Variants in CYRIB observed in about 807,000 individuals in gnomAD.
CYRIB encodes the protein CYFIP-related Rac1 interactor B.
Under a neutral mutation model 44.2 loss-of-function variants are expected in CYRIB, and 8 were observed. The ratio of observed to expected loss-of-function variants is 0.18; its 90% CI spans 0.11 to 0.33. CYRIB has a LOEUF of 0.33. Among genes scored for constraint, CYRIB ranks in the 10% least tolerant of loss-of-function variants. The pLI is 1.00. For synonymous variants in CYRIB, 131 were observed against 127.2 expected, an observed-to-expected ratio of 1.03 and a Z score of -0.20; for missense variants, 185 against 382.8, an observed-to-expected ratio of 0.48 and a Z score of 4.31.
chr8:130,013,516 A>G (rs2097273226), intron 1 of CYRIB, among the ~76,000 whole-genome samples: 1 of 152,242 alleles, frequency 6.6e-6, no homozygotes, highest in East Asian at 1.9e-4. Flanking sequence ...CATACTTAAA[A>G]TCTGAATTTT....
At chr8:129,892,596 A>G (rs901534286) in intron 2 of CYRIB, among the ~76,000 whole-genome samples, 38 of 152,184 alleles carry the variant, frequency 2.5e-4, no homozygotes, top group African/African-American at 8.9e-4. Context: ...TTTATTTTAG[A>G]AAAGTTTCAT....
chr8:129,855,355 C>T (rs986010810), intron 6 of CYRIB, among the ~76,000 whole-genome samples: 1 of 149,588 alleles, frequency 6.7e-6, no homozygotes, highest in Non-Finnish European at 1.5e-5. Context: ...CACGCCACTG[C>T]ACTCTACCCT....
intron 1 of CYRIB, among the ~76,000 whole-genome samples, chr8:129,939,050 C>T (rs1003139214): frequency 1.3e-5 from 2 of 152,118 alleles, no homozygotes; most frequent in South Asian, 2.1e-4. Context: ...AAGATCTGGC[C>T]GCGCAGGTGG....
chr8:129,984,829 C>A (rs2096390171), intron 1 of CYRIB, among the ~76,000 whole-genome samples: 1 of 152,124 alleles, frequency 6.6e-6, no homozygotes, highest in South Asian at 2.1e-4. Flanking sequence ...GGCTGGAGTG[C>A]AATGGCGCGA....
chr8:129,845,584 C>T (rs1220621308), intron 11 of CYRIB, among the ~76,000 whole-genome samples: 2 of 152,198 alleles, frequency 1.3e-5, no homozygotes, highest in Admixed American at 1.3e-4. Context: ...ACCGCTTATG[C>T]AACACTTTTC....
intron 1 of CYRIB, among the ~76,000 whole-genome samples, chr8:129,994,460 GT>G (rs2096722387): frequency 6.6e-6 from 1 of 152,236 alleles, no homozygotes. Context: ...TTGTATGCCT[GT>G]GCTTAGCACA....
chr8:129,914,079 T>G (rs115560994), intron 1 of CYRIB, among the ~76,000 whole-genome samples: 1 of 152,218 alleles, frequency 6.6e-6, no homozygotes, highest in African/African-American at 2.4e-5. Flanking sequence ...ATTCACTAAA[T>G]GTACAGGCTG....
intron 4 of CYRIB, among the ~76,000 whole-genome samples, chr8:129,866,038 A>G (rs1162503665): frequency 6.6e-6 from 1 of 152,192 alleles, no homozygotes; most frequent in African/African-American, 2.4e-5. Flanking sequence ...TCTTGAGCCA[A>G]CCCACTCTGT....
intron 1 of CYRIB, among the ~76,000 whole-genome samples, chr8:129,973,545 A>G (rs2095800172): frequency 6.6e-6 from 1 of 152,238 alleles, no homozygotes; most frequent in African/African-American, 2.4e-5. Context: ...TTTCACCAGC[A>G]TGCTGAAGTC....
chr8:129,894,936 T>A (rs1001250715), intron 2 of CYRIB, among the ~76,000 whole-genome samples: 41 of 149,802 alleles, frequency 2.7e-4, no homozygotes, highest in African/African-American at 7.6e-4. Flanking sequence ...TATATTTTTT[T>A]AATTAATTTA....
intron 2 of CYRIB, among the ~76,000 whole-genome samples, chr8:129,891,799 C>T (rs1391538926): frequency 6.6e-6 from 1 of 152,196 alleles, no homozygotes; most frequent in African/African-American, 2.4e-5. Context: ...CCATTCCACT[C>T]CATCTTGCCT....
chr8:129,887,462 G>A (rs1325806463), intron 2 of CYRIB, among the ~76,000 whole-genome samples: 2 of 152,244 alleles, frequency 1.3e-5, no homozygotes, highest in Admixed American at 1.3e-4. Context: ...CTAGGACAGT[G>A]CACTGGGGAA....
intron 1 of CYRIB, among the ~76,000 whole-genome samples, chr8:129,994,324 C>T (rs2096718700): frequency 6.6e-6 from 1 of 152,196 alleles, no homozygotes; most frequent in African/African-American, 2.4e-5. Context: ...GGAACCAACC[C>T]TCCCGGCACC....
intron 1 of CYRIB, among the ~76,000 whole-genome samples, chr8:130,012,397 G>A (rs928438741): frequency 1.3e-5 from 2 of 152,240 alleles, no homozygotes; most frequent in Non-Finnish European, 2.9e-5. Context: ...TGCCAGCCAA[G>A]GGCTCTATTC....
At chr8:129,845,806 A>C (rs945863538) in intron 11 of CYRIB, among the ~76,000 whole-genome samples, 1 of 152,198 alleles carries the variant, frequency 6.6e-6, no homozygotes, top group Middle Eastern at 3.2e-3. Context: ...CTACCAATTA[A>C]ATCTCTGTAG....
intron 2 of CYRIB, among the ~76,000 whole-genome samples, chr8:129,895,155 G>A (rs907004417): frequency 6.7e-6 from 1 of 149,006 alleles, no homozygotes; most frequent in Non-Finnish European, 1.5e-5. Context: ...CAGGGGCAGG[G>A]GGAATACTGT....
chr8:129,867,625 T>TTATAA (rs1380197467), intron 4 of CYRIB, among the ~76,000 whole-genome samples: 2 of 151,888 alleles, frequency 1.3e-5, no homozygotes, highest in Non-Finnish European at 2.9e-5. Context: ...TAATATATAA[T>TTATAA]TCAACATTAT....
At chr8:129,884,461 T>C (rs2134205188) in intron 2 of CYRIB, among the ~76,000 whole-genome samples, 1 of 152,220 alleles carries the variant, frequency 6.6e-6, no homozygotes, top group East Asian at 1.9e-4. Context: ...GCTAATTTTG[T>C]ATTTTTAGTA....
intron 1 of CYRIB, among the ~76,000 whole-genome samples, chr8:130,009,610 T>C (rs1347912174): frequency 1.3e-5 from 2 of 152,064 alleles, no homozygotes; most frequent in Admixed American, 1.3e-4. Context: ...TAAATTCAGA[T>C]CCCATCTCTG....
Sources: allele counts gnomAD v4.1 joint callset (sites outside exome capture counted in the v4.1 genomes callset), GRCh38; gene constraint gnomAD v4.1.1; transcripts MANE v1.5; gene names NCBI Gene and HGNC (gene_info 2026-07-23, HGNC 2026-07-21).